The following TPPP2 variants were observed in gnomAD, a reference collection of about 807,000 sequenced individuals.
TPPP2 encodes tubulin polymerization promoting protein family member 2.
Under a neutral mutation model 13.0 loss-of-function variants are expected in TPPP2, and 8 were observed. The ratio of observed to expected loss-of-function variants is 0.62; its 90% CI spans 0.36 to 1.11. The LOEUF (loss-of-function observed/expected upper bound fraction) is 1.11, where lower values mean the gene tolerates loss of function less well. TPPP2 is among the 50% of genes most tolerant of loss of function. TPPP2 has a pLI of 0.02. For synonymous variants in TPPP2, 81 were observed against 81.8 expected, an observed-to-expected ratio of 0.99 and a Z score of 0.05; for missense variants, 213 against 216.9, an observed-to-expected ratio of 0.98 and a Z score of 0.11.
chr14:21,028,828 A>G (rs1883871889), upstream of TPPP2: 1 of 152,158 alleles, frequency 6.6e-6, no homozygotes, highest in South Asian at 2.1e-4. Context: ...GGTGGAAGCA[A>G]TAGGAATGGA....
chr14:21,035,670 G>T (rs1884577492), downstream of TPPP2: 1 of 427,372 alleles, frequency 2.3e-6, no homozygotes, highest in Middle Eastern at 3.4e-4. Flanking sequence ...AGGCCGCAGA[G>T]AGAAAGATTG....
downstream of TPPP2, among the ~76,000 whole-genome samples, chr14:21,035,229 G>A (rs1263212691): frequency 2.0e-5 from 3 of 152,196 alleles, no homozygotes; most frequent in African/African-American, 7.2e-5. Flanking sequence ...GTGACCTCAG[G>A]CCCTGTCAGA....
rs1388206607 is a variant in TPPP2 at position 21,025,216 on chromosome 14, A to G, written n.236+872A>G. On this transcript the variant is annotated intron_variant and non_coding_transcript_variant, in intron 1 of 1. Transcript: ENST00000533755. The surrounding 1 kb of genome is among the most constrained non-coding windows in gnomAD (Gnocchi z 5.1). Reference sequence around the variant, plus strand: ...ACCCCGCCCAGACTGCCGCTCAGGAAAGGGTTGTGCTGGGGCCGGGGGGCG... The same window carrying G: ...ACCCCGCCCAGACTGCCGCTCAGGAGAGGGTTGTGCTGGGGCCGGGGGGCG... The G allele has an allele frequency of 1.2e-6, 1 of 855,976 alleles. No individual in the cohort carries two copies. Among genetic ancestry groups the G allele is most frequent in the African/African-American group, 1.8e-5 (1 of 54,616 alleles). 53.0% of individuals were successfully genotyped at this position (855,976 alleles called of 1,614,324 possible).
chr14:21,027,075 TA>T (rs1200743680), upstream of TPPP2, among the ~76,000 whole-genome samples: 2 of 152,128 alleles, frequency 1.3e-5, no homozygotes, highest in African/African-American at 4.8e-5. Context: ...GGGAACCTGA[TA>T]AGGGGCCTAC....
At chr14:21,034,764 A>G (rs1884506200), downstream of TPPP2, 1 of 158,012 alleles carries the variant, frequency 6.3e-6, no homozygotes, top group Admixed American at 6.2e-5. Flanking sequence ...AGGAGAGGCT[A>G]GAAAGGTTTC....
chr14:21,026,718 A>G (rs1883685821), upstream of TPPP2, among the ~76,000 whole-genome samples: 1 of 152,018 alleles, frequency 6.6e-6, no homozygotes, highest in African/African-American at 2.4e-5. Context: ...GGAGCACCCA[A>G]CTTTTCTTCT....
intron 2 of TPPP2, 50 bp from the exon 3 acceptor site, chr14:21,030,962 G>T: frequency 6.4e-7 from 1 of 1,564,748 alleles, no homozygotes; most frequent in Non-Finnish European, 8.6e-7. Context: ...GACCTTGGAA[G>T]GTAATGCATT....
At chr14:21,028,481 T>G (rs948874634), upstream of TPPP2, 1 of 152,186 alleles carries the variant, frequency 6.6e-6, no homozygotes, top group Non-Finnish European at 1.5e-5. Flanking sequence ...CCCAAAGTGC[T>G]GGAATTATAG....
chr14:21,034,914 A>G (rs1884518307), downstream of TPPP2: 1 of 152,354 alleles, frequency 6.6e-6, no homozygotes, highest in Admixed American at 6.5e-5. Flanking sequence ...CTTACTTCCA[A>G]TCTCCTTGCC....
At chr14:21,033,496 A>T (rs1239740220), downstream of TPPP2, 1 of 386,478 alleles carries the variant, frequency 2.6e-6, no homozygotes, top group Non-Finnish European at 4.8e-6. Flanking sequence ...TCCATCCAGG[A>T]CTTAGGATCT....
rs1198143628 is a variant in TPPP2, at chr14:21,030,538, C to T, written c.-44C>T. ...TCCTCCCTCCCCCTTCTCCTTCACC[C>T]CCAAGTGTCTCCCACGACTGCCCTC... On this transcript the variant is annotated 5_prime_UTR_variant, in exon 2 of 4. Transcript: ENST00000321760. 1.3e-6 allele frequency: 2 copies of T among 1,596,432 alleles called. No homozygotes were observed. Among genetic ancestry groups the T allele is most frequent in the South Asian group, 1.1e-5 (1 of 87,330 alleles).
chr14:21,032,309 C>A lies in TPPP2; in HGVS notation c.*232C>A, dbSNP rs141897316. On this transcript the variant is annotated 3_prime_UTR_variant, in exon 4 of 4. Coordinates refer to ENST00000321760, the MANE Select transcript of TPPP2 (RefSeq NM_173846.5). ...GCCTACCAGCCATCAGTTAGCATTC[C>A]TCCTCAACAGCTGCTTCCAAGAACA... 107 of 627,304 alleles carry A rather than the reference C, an allele frequency of 1.7e-4. No individual in the cohort carries two copies. The highest frequency in any genetic ancestry group is 1.6e-3 in the African/African-American group (89 of 55,806). 38.9% of individuals were successfully genotyped at this position (627,304 alleles called of 1,614,324 possible). A position where few individuals can be genotyped will look rare whatever the true frequency, so the allele number is the denominator to read the frequency against.
At chr14:21,024,741 C>T (rs1566476465) in intron 1 of TPPP2, 1 of 985,376 alleles carries the variant, frequency 1.0e-6, no homozygotes, top group Non-Finnish European at 1.2e-6. Context: ...GGCCCAGCAC[C>T]CGGAACCCGT....
chr14:21,031,103 G>A lies in TPPP2; in HGVS notation c.265G>A (p.Glu89Lys). 1 of 1,614,190 alleles carries A rather than the reference G, an allele frequency of 6.2e-7. No homozygotes were observed. The highest frequency in any genetic ancestry group is 8.5e-7 in the Non-Finnish European group (1 of 1,180,034). The change falls in exon 3 of 4, where the codon GAA becomes AAA. Residue 89 changes from glutamate (E) to lysine (K), a missense_variant. Coordinates refer to ENST00000321760, the MANE Select transcript of TPPP2 (RefSeq NM_173846.5). ...GCGCTTCAAAGGGAAGAGTCCAGATGAAGTCCTGGAGAACATTTATGGACT... is the reference window on the plus strand; with the variant it reads ...GCGCTTCAAAGGGAAGAGTCCAGATAAAGTCCTGGAGAACATTTATGGACT... ...QKRFKGKSPD[E>K]VLENIYGLME...
intron 1 of TPPP2, 44 bp from the exon 2 acceptor site, chr14:21,030,469 T>G: frequency 8.8e-7 from 1 of 1,138,132 alleles, no homozygotes; most frequent in Non-Finnish European, 1.3e-6. Context: ...CTGTTCCTGT[T>G]GCTGACTGAT....
downstream of TPPP2, chr14:21,034,637 A>G: frequency 1.2e-5 from 3 of 242,728 alleles, no homozygotes; most frequent in Non-Finnish European, 2.4e-5. Flanking sequence ...TGCAGAGAAG[A>G]AAGAAGGAGC....
In TPPP2 at chr14:21,025,106, G is replaced by GC. The variant is rs1220437955; in HGVS notation, n.236+767dup. The stretch of plus-strand genomic sequence containing the variant: ...CCCGGCTCGGGCTTCCCGCAGACCC[G>GC]CCCCCGGCCCGCCCCAGCCCGCCCA... On this transcript the variant is annotated intron_variant and non_coding_transcript_variant, in intron 1 of 1. Coordinates refer to the TPPP2 transcript ENST00000533755. This position sits in a 1 kb window ranked among gnomAD's most constrained non-coding sequence, Gnocchi z 5.1. The GC allele has an allele frequency of 6.1e-6, 6 of 982,340 alleles. No homozygotes were observed. The Admixed American group carries it at 3.7e-4, about 61-fold the overall frequency. The allele number at this position is 982,340 out of a possible 1,614,324, so 60.9% of individuals were successfully genotyped here.
At chr14:21,025,341 C>T (rs951092864), upstream of TPPP2, 5 of 984,898 alleles carry the variant, frequency 5.1e-6, no homozygotes, top group African/African-American at 8.7e-5. The surrounding 1 kb of genome is among the most constrained non-coding windows in gnomAD (Gnocchi z 5.1). Context: ...GCGGGGATCC[C>T]TCAGCCCTGA....
chr14:21,024,998 C>T, intron 1 of TPPP2: 1 of 985,914 alleles, frequency 1.0e-6, no homozygotes, highest in Non-Finnish European at 1.2e-6. Context: ...CCTTCCAGGC[C>T]CTACGGCCCC....
Sources: allele counts gnomAD v4.1 joint callset (sites outside exome capture counted in the v4.1 genomes callset), GRCh38; gene constraint gnomAD v4.1.1; non-coding constraint Gnocchi (gnomAD v3.1); transcripts MANE v1.5; gene names NCBI Gene and HGNC (gene_info 2026-07-23, HGNC 2026-07-21).